Variants in RHO observed in about 807,000 individuals in gnomAD.
The protein encoded by RHO is opsin 2, rod pigment.
Under a neutral mutation model 31.2 loss-of-function variants are expected in RHO, and 21 were observed. The ratio of observed to expected loss-of-function variants is 0.67; its 90% CI spans 0.48 to 0.97. RHO has a LOEUF of 0.97. RHO is among the 50% of genes least tolerant of loss of function. The pLI is 0.00. For missense variants in RHO, 414 were observed against 479.5 expected, an observed-to-expected ratio of 0.86 and a Z score of 1.28; for synonymous variants, 211 against 196.6, an observed-to-expected ratio of 1.07 and a Z score of -0.61.
rs777274073 is a variant in RHO at position 129,533,632 on chromosome 3, A to G, written c.961A>G (p.Ile321Val). Reference protein sequence around the residue: ...KQFRNCMLTTICCGKNPLGDD... With the variant: ...KQFRNCMLTTVCCGKNPLGDD... ...GTTCCGGAACTGCATGCTCACCACC[A>G]TCTGCTGCGGCAAGAACCCACTGGG... is the stretch of plus-strand genomic sequence containing the variant. The change falls in exon 5 of 5, where the codon ATC (isoleucine) becomes GTC (valine). Residue 321 changes from isoleucine (I) to valine (V), a missense_variant. By Grantham distance (29) the Ile-to-Val change is conservative. Coordinates refer to ENST00000296271, the MANE Select transcript of RHO (RefSeq NM_000539.3). The G allele has an allele frequency of 1.2e-6, 2 of 1,614,084 alleles. No individual in the cohort carries two copies. The highest frequency in any genetic ancestry group is 1.7e-6 in the Non-Finnish European group (2 of 1,179,974).
rs753609310 is a variant in RHO at position 129,533,612 on chromosome 3, G to A, written c.941G>A (p.Arg314Gln). The part of the protein sequence containing the change: ...VIYIMMNKQF[R>Q]NCMLTTICCG... The stretch of plus-strand genomic sequence containing the variant: ...CTCAAGCCTCTTGCCTTCCAGTTCC[G>A]GAACTGCATGCTCACCACCATCTGC... The change falls in exon 5 of 5, where the codon CGG becomes CAG. Residue 314 changes from arginine to glutamine, a missense_variant. Transcript: ENST00000296271. 1.7e-5 allele frequency: 28 copies of A among 1,613,244 alleles called. No homozygotes were observed. The highest frequency in any genetic ancestry group is 6.7e-5 in the East Asian group (3 of 44,878).
Position 129,533,915 on chromosome 3 carries a change from A to T in RHO, c.*197A>T, listed in dbSNP as rs2084803546. The T allele has an allele frequency of 1.8e-6, 1 of 550,550 alleles. No homozygotes were observed. The highest frequency in any genetic ancestry group is 1.9e-5 in the African/African-American group (1 of 52,628). 34.1% of individuals were successfully genotyped at this position (550,550 alleles called of 1,614,324 possible). A position where few individuals can be genotyped will look rare whatever the true frequency, so the allele number is the denominator to read the frequency against. On this transcript the variant is annotated 3_prime_UTR_variant, in exon 5 of 5. Coordinates refer to ENST00000296271, the MANE Select transcript of RHO (RefSeq NM_000539.3). ...TGGGACAGCCTGAGAAGGGACATCC[A>T]CCAAGACCTACTGATCTGGAGTCCC...
chr3:129,532,108 CCTGT>C lies in RHO; in HGVS notation c.531-141_531-138del, dbSNP rs1225199401. ...TGCATCCCCATCTGATCCATTCCAT[CCTGT>C]CACCCAGCCATGCAGACGTTTATGA... On this transcript the variant is annotated intron_variant, in intron 2 of 4. Coordinates refer to ENST00000296271, the MANE Select transcript of RHO (RefSeq NM_000539.3). The surrounding 1 kb of genome is among the most constrained non-coding windows in gnomAD (Gnocchi z 5.5). 2.4e-5 allele frequency: 16 copies of C among 675,170 alleles called. No homozygotes were observed. The highest frequency in any genetic ancestry group is 4.0e-5 in the Non-Finnish European group (15 of 376,432). 41.8% of individuals were successfully genotyped at this position (675,170 alleles called of 1,614,324 possible).
At chr3:129,531,157 G>A in intron 2 of RHO, 113 bp downstream of exon 2, 8 of 1,255,664 alleles carry the variant, frequency 6.4e-6, no homozygotes, top group Non-Finnish European at 9.0e-6. Flanking sequence ...TATGTCTCCT[G>A]GCCCAAATGC....
At chr3:129,530,533 AACAC>A (rs60120581) in intron 1 of RHO, among the ~76,000 whole-genome samples, 1,660 of 122,884 alleles carry the variant, frequency 0.014, 13 homozygotes, top group East Asian at 0.017. Flanking sequence ...ACACACACAC[AACAC>A]ACACACACAC....
Position 129,529,113 on chromosome 3 carries a change from TG to T in RHO, c.361+23del. 3 of 1,607,696 alleles carry T rather than the reference TG, an allele frequency of 1.9e-6. No homozygotes were observed. The highest frequency in any genetic ancestry group is 2.5e-6 in the Non-Finnish European group (3 of 1,177,114). On this transcript the variant is annotated intron_variant, in intron 1 of 4. Transcript: ENST00000296271. ...CTGGGCGGTATGAGCCGGGTGTGGG[TG>T]GGGTGTGCAGGAGCCCGGGAGCATG...
At position 129,532,672 on chromosome 3, in the gene RHO, A is replaced by C. The variant is rs2084790946; in HGVS notation, c.836A>C (p.Gln279Pro). 1 of 1,614,240 alleles carries C rather than the reference A, an allele frequency of 6.2e-7. No homozygotes were observed. The highest frequency in any genetic ancestry group is 2.2e-5 in the East Asian group (1 of 44,886). Reference protein sequence around the residue: ...ASVAFYIFTHQGSNFGPIFMT... With the variant: ...ASVAFYIFTHPGSNFGPIFMT... ...GTGGCATTCTACATCTTCACCCACC[A>C]GGGCTCCAACTTCGGTCCCATCTTC... The change falls in exon 4 of 5, where the codon CAG becomes CCG. Residue 279 changes from glutamine to proline, a missense_variant. Gln to Pro is a moderately conservative substitution (Grantham distance 76, BLOSUM62 -1). Transcript: ENST00000296271. This position sits in a 1 kb window ranked among gnomAD's most constrained non-coding sequence, Gnocchi z 5.5.
In RHO at chr3:129,532,288, G is replaced by A. The variant is rs104893779; in HGVS notation, c.568G>A (p.Asp190Asn). The change falls in exon 3 of 5, where the codon GAC becomes AAC. Residue 190 changes from aspartate to asparagine, a missense_variant. Transcript: ENST00000296271. The surrounding 1 kb of genome is among the most constrained non-coding windows in gnomAD (Gnocchi z 5.5). ...GGGCCTGCAGTGCTCGTGTGGAATC[G>A]ACTACTACACGCTCAAGCCGGAGGT... ...PEGLQCSCGI[D>N]YYTLKPEVNN... 2 of 1,614,032 alleles carry A rather than the reference G, an allele frequency of 1.2e-6. No individual in the cohort carries two copies. The highest frequency in any genetic ancestry group is 2.2e-5 in the East Asian group (1 of 44,882).
At chr3:129,533,034 G>A (rs1000532131) in intron 4 of RHO, among the ~76,000 whole-genome samples, 1 of 152,090 alleles carries the variant, frequency 6.6e-6, no homozygotes, top group African/African-American at 2.4e-5. Context: ...GGTGGGAGAA[G>A]CTCCAGTCAG....
At position 129,532,589 on chromosome 3, in the gene RHO, C is replaced by T; in HGVS notation, c.753C>T (p.Thr251=). 6.2e-7 allele frequency: 1 copy of T among 1,614,208 alleles called. No individual in the cohort carries two copies. Among genetic ancestry groups the T allele is most frequent in the African/African-American group, 1.3e-5 (1 of 75,042 alleles). Residue 251 remains threonine, a synonymous_variant, in exon 4 of 5, where the codon ACC becomes ACT. Transcript: ENST00000296271. The surrounding 1 kb of genome is among the most constrained non-coding windows in gnomAD (Gnocchi z 5.5). The part of the protein sequence containing the change: ...ATTQKAEKEV[T]RMVIIMVIAF... ...CACAGAAGGCAGAGAAGGAGGTCAC[C>T]CGCATGGTCATCATCATGGTCATCG...
Position 129,530,533 on chromosome 3 carries a change from A to ACAACACACAC in RHO, c.362-343_362-342insCAACACACAC, listed in dbSNP as rs1553781099. On this transcript the variant is annotated intron_variant, in intron 1 of 4. Transcript: ENST00000296271. ...CACACACACACACACACACACACAC[A>ACAACACACAC]ACACACACACACACACACACACACA... 3.1e-3 allele frequency among the ~76,000 whole-genome samples: 379 copies of ACAACACACAC among 122,902 alleles called. 3 individuals carry two copies. The highest frequency in any genetic ancestry group is 0.014 in the African/African-American group (341 of 24,554). The allele number at this position is 122,902 out of a possible 152,430, so 80.6% of individuals were successfully genotyped here.
chr3:129,531,693 C>T (rs2084781031), intron 2 of RHO, among the ~76,000 whole-genome samples: 2 of 152,222 alleles, frequency 1.3e-5, no homozygotes, highest in Non-Finnish European at 2.9e-5. Context: ...TAGTTCTATC[C>T]TCTGGAAGCA....
intron 1 of RHO, 134 bp downstream of exon 1, chr3:129,529,228 A>G (rs1025604117): frequency 8.5e-7 from 1 of 1,180,344 alleles, no homozygotes; most frequent in Non-Finnish European, 1.2e-6. Context: ...CAAAGCCCTC[A>G]TATATTCAGT....
intron 1 of RHO, among the ~76,000 whole-genome samples, chr3:129,530,671 A>G (rs2084773428): frequency 6.6e-6 from 1 of 152,032 alleles, no homozygotes; most frequent in Admixed American, 6.6e-5. Flanking sequence ...ATTCCCTGGA[A>G]TTTCTTTGCC....
Position 129,530,533 on chromosome 3 carries a change from A to ACAACACACACACACACACAC in RHO, c.362-343_362-342insCAACACACACACACACACAC, listed in dbSNP as rs1553781099. On this transcript the variant is annotated intron_variant, in intron 1 of 4. Coordinates refer to ENST00000296271, the MANE Select transcript of RHO (RefSeq NM_000539.3). ...CACACACACACACACACACACACAC[A>ACAACACACACACACACACAC]ACACACACACACACACACACACACA... is the stretch of plus-strand genomic sequence containing the variant. Among the ~76,000 whole-genome samples the ACAACACACACACACACACAC allele has an allele frequency of 2.9e-3, 359 of 122,866 alleles. 3 individuals carry two copies. Among genetic ancestry groups the ACAACACACACACACACACAC allele is most frequent in the African/African-American group, 0.013 (331 of 24,524 alleles). The allele number at this position is 122,866 out of a possible 152,430, so 80.6% of individuals were successfully genotyped here.
chr3:129,530,528 C>CA (rs1399464043), intron 1 of RHO, among the ~76,000 whole-genome samples: 27 of 119,972 alleles, frequency 2.3e-4, no homozygotes, highest in African/African-American at 1.0e-3. Flanking sequence ...CACACACACA[C>CA]ACACAACACA....
In RHO at chr3:129,528,962, C is replaced by T. The variant is rs1405507439; in HGVS notation, c.229C>T (p.Leu77Phe). The T allele has an allele frequency of 2.5e-6, 4 of 1,614,128 alleles. No individual in the cohort carries two copies. The highest frequency in any genetic ancestry group is 1.6e-4 in the Middle Eastern group (1 of 6,084). The stretch of plus-strand genomic sequence containing the variant: ...GCGCACGCCTCTCAACTACATCCTG[C>T]TCAACCTAGCCGTGGCTGACCTCTT... ...KLRTPLNYILLNLAVADLFMV... is the reference protein window; with the variant it reads ...KLRTPLNYILFNLAVADLFMV... Residue 77 changes from leucine to phenylalanine, a missense_variant, in exon 1 of 5, where the codon CTC becomes TTC. Leu to Phe is a conservative substitution (Grantham distance 22). Coordinates refer to ENST00000296271, the MANE Select transcript of RHO (RefSeq NM_000539.3).
chr3:129,530,724 T>A (rs944108470), intron 1 of RHO, 152 bp from the exon 2 acceptor site: 6 of 910,260 alleles, frequency 6.6e-6, no homozygotes, highest in Non-Finnish European at 1.1e-5. Flanking sequence ...TTCCCCCTCC[T>A]CCCAGCACCA....
At chr3:129,531,451 C>T (rs73204247) in intron 2 of RHO, among the ~76,000 whole-genome samples, 10,427 of 152,272 alleles carry the variant, frequency 0.068, 446 homozygotes, top group South Asian at 0.11. Context: ...GGGTCCCACT[C>T]AGCCTCTAGG....
Sources: gnomAD v4.1 joint callset for allele counts (sites outside exome capture counted in the v4.1 genomes callset) on GRCh38, gnomAD v4.1.1 for gene constraint, Gnocchi (gnomAD v3.1) non-coding constraint, MANE v1.5 for transcripts, NCBI Gene and HGNC (gene_info 2026-07-23, HGNC 2026-07-21) for gene names.